Variants in PCDH15 observed in about 807,000 individuals in gnomAD.
The protein encoded by PCDH15 is protocadherin-15.
Under a neutral mutation model 178.5 loss-of-function variants are expected in PCDH15, and 129 were observed. The observed-to-expected ratio is 0.72, with a 90% CI of 0.63 to 0.84. PCDH15 has a LOEUF of 0.84. PCDH15 is among the 40% of genes least tolerant of loss of function. The pLI is 0.00. For missense variants in PCDH15, 2,230 were observed against 2,099.9 expected, an observed-to-expected ratio of 1.06 and a Z score of -1.21; for synonymous variants, 800 against 732.0, an observed-to-expected ratio of 1.09 and a Z score of -1.50.
chr10:55,343,434 C>T (rs1377808825), intron 2 of PCDH15, among the ~76,000 whole-genome samples: 2 of 152,046 alleles, frequency 1.3e-5, no homozygotes, highest in African/African-American at 2.4e-5. Flanking sequence ...ATTCTCTGCC[C>T]TCTACCAAAT....
intron 1 of PCDH15, among the ~76,000 whole-genome samples, chr10:54,756,097 A>ACACACACACACACACAC (rs1555182911): frequency 3.5e-5 from 5 of 144,510 alleles, no homozygotes; most frequent in East Asian, 3.9e-4. Flanking sequence ...ACACACACAC[A>ACACACACACACACACAC]AAATTAGCTG....
At chr10:54,433,095 A>T (rs1292591334) in intron 3 of PCDH15, among the ~76,000 whole-genome samples, 1 of 152,132 alleles carries the variant, frequency 6.6e-6, no homozygotes, top group African/African-American at 2.4e-5. Flanking sequence ...ATGTGGAGAA[A>T]AGGGAATCCT....
chr10:55,183,014 C>A (rs34994829), intron 1 of PCDH15, among the ~76,000 whole-genome samples: 34,616 of 151,744 alleles, frequency 0.23, 4,117 homozygotes, highest in East Asian at 0.3. Context: ...AATATGGACT[C>A]CTTCCTTATG....
Position 55,227,131 on chromosome 10 carries a change from A to G in PCDH15, c.-155-60480T>C, listed in dbSNP as rs182400597. Among the ~76,000 whole-genome samples the G allele has an allele frequency of 6.6e-4, 101 of 152,200 alleles. 2 individuals are homozygous for G. Among genetic ancestry groups the G allele is most frequent in the African/African-American group, 2.3e-3 (95 of 41,486 alleles). On this transcript the variant is annotated intron_variant, in intron 1 of 5. Coordinates refer to the PCDH15 transcript ENST00000458638. Reference sequence around the variant, plus strand: ...ATATATAAACAAAACCAAAAATCTAATTATGAAATTTCAAAACATCATAGA... The same window carrying G: ...ATATATAAACAAAACCAAAAATCTAGTTATGAAATTTCAAAACATCATAGA...
intron 32 of PCDH15, 134 bp from the exon 33 acceptor site, chr10:53,820,364 G>C (rs921869917): frequency 3.6e-5 from 14 of 389,638 alleles, no homozygotes; most frequent in African/African-American, 2.7e-4. Context: ...ATTGTTTTCT[G>C]TCTGATCTTG....
intron 2 of PCDH15, among the ~76,000 whole-genome samples, chr10:55,443,044 A>T (rs1254707781): frequency 1.3e-5 from 2 of 152,194 alleles, no homozygotes; most frequent in African/African-American, 2.4e-5. Context: ...TGGGGAAAGG[A>T]TTCCCTATTT....
intron 2 of PCDH15, among the ~76,000 whole-genome samples, chr10:55,128,546 T>A (rs1387654933): frequency 6.6e-6 from 1 of 151,990 alleles, no homozygotes; most frequent in Non-Finnish European, 1.5e-5. Flanking sequence ...GCACTTCTCT[T>A]TTTGCTCACA....
intron 6 of PCDH15, among the ~76,000 whole-genome samples, chr10:54,336,410 G>GA (rs1435721867): frequency 6.6e-6 from 1 of 152,138 alleles, no homozygotes; most frequent in Admixed American, 6.5e-5. Context: ...AGCCCTAGGA[G>GA]AAAAAAGCGG....
At chr10:54,462,551 G>T (rs1467485265) in intron 3 of PCDH15, among the ~76,000 whole-genome samples, 3 of 93,622 alleles carry the variant, frequency 3.2e-5, no homozygotes, top group South Asian at 3.7e-4. Context: ...GTCTCTCTCT[G>T]TTACCCAGGC....
Position 55,210,618 on chromosome 10 carries a change from C to CTTTTTTTTTTTTTTTTT in PCDH15, c.-155-43984_-155-43968dup, listed in dbSNP as rs11412877. Among the ~76,000 whole-genome samples, 10 of 40,342 alleles carry CTTTTTTTTTTTTTTTTT rather than the reference C, an allele frequency of 2.5e-4. 2 individuals are homozygous for CTTTTTTTTTTTTTTTTT. Among genetic ancestry groups the CTTTTTTTTTTTTTTTTT allele is most frequent in the Non-Finnish European group, 4.0e-4 (10 of 24,814 alleles). 26.5% of individuals were successfully genotyped at this position (40,342 alleles called of 152,430 possible). On this transcript the variant is annotated intron_variant, in intron 1 of 5. Coordinates refer to the PCDH15 transcript ENST00000458638. ...ACGATTTTTTTTTCTTTTTTCTTTTCTTTTTTTTTTTTTTTTTTTTTTTTT... is the reference window on the plus strand; with the variant it reads ...ACGATTTTTTTTTCTTTTTTCTTTTCTTTTTTTTTTTTTTTTTTTTTTTTTTTTTTTTTTTTTTTTTT...
At chr10:55,049,732 T>C (rs559614707) in intron 2 of PCDH15, among the ~76,000 whole-genome samples, 7 of 152,128 alleles carry the variant, frequency 4.6e-5, no homozygotes, top group Non-Finnish European at 7.4e-5. Flanking sequence ...TAAAAATCTA[T>C]TTGTAATAAA....
chr10:54,933,659 G>T lies in PCDH15; in HGVS notation c.-79-36159C>A, dbSNP rs1039196815. Among the ~76,000 whole-genome samples the T allele has an allele frequency of 2.0e-5, 3 of 152,028 alleles. No homozygotes were observed. In the East Asian group the frequency reaches 5.8e-4, roughly 29 times the overall value. On this transcript the variant is annotated intron_variant, in intron 2 of 5. Transcript: ENST00000458638. Reference sequence around the variant, plus strand: ...TTAATTAGTACCCATTTCCCACCAAGAAAACCTTGATAAAATTCCTTAAAA... The same window carrying T: ...TTAATTAGTACCCATTTCCCACCAATAAAACCTTGATAAAATTCCTTAAAA...
At chr10:54,738,509 A>T (rs892481953) in intron 1 of PCDH15, among the ~76,000 whole-genome samples, 1 of 152,246 alleles carries the variant, frequency 6.6e-6, no homozygotes, top group South Asian at 2.1e-4. Context: ...AGTTCTACTC[A>T]AACTATTTCA....
At chr10:55,553,901 A>G (rs901439478) in intron 2 of PCDH15, among the ~76,000 whole-genome samples, 2 of 152,014 alleles carry the variant, frequency 1.3e-5, no homozygotes, top group African/African-American at 4.8e-5. Context: ...ACTGAAAAAT[A>G]GACTCAATTT....
chr10:54,600,471 T>TA, intron 2 of PCDH15: 1 of 577,730 alleles, frequency 1.7e-6, no homozygotes, highest in Admixed American at 1.9e-5. Flanking sequence ...AGGGGGATGA[T>TA]AAAAATGAAG....
At chr10:54,579,141 T>A (rs1212497987) in intron 2 of PCDH15, among the ~76,000 whole-genome samples, 1 of 152,030 alleles carries the variant, frequency 6.6e-6, no homozygotes, top group African/African-American at 2.4e-5. Context: ...AAACCTCACA[T>A]ATAAATATTA....
At chr10:54,910,294 G>A (rs189384932) in intron 2 of PCDH15, among the ~76,000 whole-genome samples, 40 of 152,194 alleles carry the variant, frequency 2.6e-4, no homozygotes, top group African/African-American at 9.1e-4. Flanking sequence ...GCACCAAGTG[G>A]GGAGAGTTAT....
chr10:54,128,186 T>C (rs576763003), intron 15 of PCDH15, among the ~76,000 whole-genome samples: 1 of 152,292 alleles, frequency 6.6e-6, no homozygotes, highest in Admixed American at 6.5e-5. Context: ...AACAATCCTG[T>C]GATCTAGTGG....
chr10:55,498,839 G>A (rs528622959), intron 2 of PCDH15, among the ~76,000 whole-genome samples: 10 of 151,826 alleles, frequency 6.6e-5, no homozygotes, highest in South Asian at 2.1e-4. Context: ...CATACAGAAC[G>A]GGATGCAGAT....
Sources: gnomAD v4.1 joint callset for allele counts (sites outside exome capture counted in the v4.1 genomes callset) on GRCh38, gnomAD v4.1.1 for gene constraint, MANE v1.5 for transcripts, NCBI Gene and HGNC (gene_info 2026-07-23, HGNC 2026-07-21) for gene names.